PDE10A: variants seen among roughly 807,000 people sequenced by gnomAD.
The protein encoded by PDE10A is phosphodiesterase 10A, also known as cAMP and cAMP-inhibited cGMP 3',5'-cyclic phosphodiesterase 10A.
In PDE10A, 39 loss-of-function variants were observed where a neutral mutation model predicts 97.7. The observed-to-expected ratio is 0.40, with a 90% CI of 0.31 to 0.52. The LOEUF (loss-of-function observed/expected upper bound fraction) is 0.52. Ranked by LOEUF, PDE10A falls within the 20% of genes least tolerant of loss-of-function variation. The probability of loss-of-function intolerance (pLI) is 0.56; values close to 1 mark genes in which losing one functional copy is unlikely to be tolerated. For synonymous variants in PDE10A, 371 were observed against 376.8 expected, an observed-to-expected ratio of 0.98 and a Z score of 0.18; for missense variants, 731 against 1,047.8, an observed-to-expected ratio of 0.70 and a Z score of 4.17.
At chr6:165,598,991 G>C (rs1786775704) in intron 1 of PDE10A, among the ~76,000 whole-genome samples, 1 of 152,180 alleles carries the variant, frequency 6.6e-6, no homozygotes, top group African/African-American at 2.4e-5. Flanking sequence ...CAGTCCTTCA[G>C]AAGAGGTGAG....
At chr6:165,462,837 A>C (rs145527874) in intron 3 of PDE10A, among the ~76,000 whole-genome samples, 5,887 of 152,292 alleles carry the variant, frequency 0.039, 177 homozygotes, top group Middle Eastern at 0.061. Context: ...GGGCATATTT[A>C]TCAATCTTGG....
intron 1 of PDE10A, among the ~76,000 whole-genome samples, chr6:165,642,309 G>A (rs995184185): frequency 6.6e-5 from 10 of 152,186 alleles, no homozygotes; most frequent in East Asian, 1.9e-4. Flanking sequence ...AGCATGATAC[G>A]TTTGTTCAGG....
At chr6:165,468,173 G>A (rs545682645) in intron 3 of PDE10A, among the ~76,000 whole-genome samples, 2 of 152,234 alleles carry the variant, frequency 1.3e-5, no homozygotes, top group Non-Finnish European at 2.9e-5. Context: ...CTGCCTCCCA[G>A]GTTCAAGCGA....
At chr6:165,558,901 T>C (rs1273623358) in intron 1 of PDE10A, among the ~76,000 whole-genome samples, 3 of 152,154 alleles carry the variant, frequency 2.0e-5, no homozygotes, top group Non-Finnish European at 4.4e-5. Context: ...TGTATACATA[T>C]GTAGCAAACC....
intron 1 of PDE10A, among the ~76,000 whole-genome samples, chr6:165,765,388 G>A (rs942430240): frequency 1.3e-5 from 2 of 152,248 alleles, no homozygotes; most frequent in African/African-American, 4.8e-5. Context: ...GGAGGCGGGG[G>A]AAGGCTCAGG....
chr6:165,446,707 T>C lies in PDE10A; in HGVS notation c.1194+2221A>G, dbSNP rs577431599. On this transcript the variant is annotated intron_variant, in intron 5 of 21. Transcript: ENST00000539869. Reference sequence around the variant, plus strand: ...ATAATGTTGAGAAAGCAAAATACAGTGTACAGTGGGATCTGACTTGGGAAG... The same window carrying C: ...ATAATGTTGAGAAAGCAAAATACAGCGTACAGTGGGATCTGACTTGGGAAG... Among the ~76,000 whole-genome samples, 7 of 152,278 alleles carry C rather than the reference T, an allele frequency of 4.6e-5. No individual in the cohort carries two copies. The East Asian group carries it at 1.2e-3, about 25-fold the overall frequency.
intron 18 of PDE10A, among the ~76,000 whole-genome samples, chr6:165,373,275 C>A (rs1037027285): frequency 6.6e-6 from 1 of 151,684 alleles, no homozygotes; most frequent in African/African-American, 2.4e-5. Flanking sequence ...AAGAAACTAC[C>A]ATCAGAGTGA....
intron 1 of PDE10A, among the ~76,000 whole-genome samples, chr6:165,682,077 G>A (rs779087983): frequency 5.3e-5 from 8 of 152,144 alleles, no homozygotes; most frequent in Non-Finnish European, 1.0e-4. Context: ...TATAAAAGTA[G>A]CCAACTGTAT....
intron 1 of PDE10A, among the ~76,000 whole-genome samples, chr6:165,731,644 G>C (rs1168526362): frequency 1.3e-5 from 2 of 152,176 alleles, no homozygotes; most frequent in African/African-American, 4.8e-5. Flanking sequence ...GACACTTTCT[G>C]TACTTCTGGG....
intron 1 of PDE10A, among the ~76,000 whole-genome samples, chr6:165,735,042 T>C (rs934426967): frequency 5.3e-5 from 8 of 151,462 alleles, no homozygotes; most frequent in African/African-American, 2.0e-4. Context: ...GGTAGATAGA[T>C]AATAGGGAGG....
intron 1 of PDE10A, among the ~76,000 whole-genome samples, chr6:165,953,514 C>A (rs1250304781): frequency 6.6e-6 from 1 of 151,966 alleles, no homozygotes; most frequent in Middle Eastern, 3.2e-3. Context: ...TTGCTTGAAC[C>A]CAGGAAGCGG....
chr6:165,691,089 CT>C (rs1791261730), intron 1 of PDE10A, among the ~76,000 whole-genome samples: 1 of 49,556 alleles, frequency 2.0e-5, no homozygotes, highest in African/African-American at 6.2e-5. Flanking sequence ...CTCTCTCTCT[CT>C]CTCTCTCTTT....
intron 1 of PDE10A, among the ~76,000 whole-genome samples, chr6:165,582,406 A>C (rs190518623): frequency 3.3e-4 from 50 of 152,332 alleles, no homozygotes; most frequent in Admixed American, 5.2e-4. Flanking sequence ...TATGATTTCT[A>C]TGTCGATTTA....
At chr6:165,551,298 T>C (rs941716728) in intron 1 of PDE10A, among the ~76,000 whole-genome samples, 2 of 152,212 alleles carry the variant, frequency 1.3e-5, no homozygotes, top group African/African-American at 4.8e-5. Flanking sequence ...TCTCTGTATT[T>C]ACCTCTCATG....
At chr6:165,791,390 T>G (rs113074351) in intron 1 of PDE10A, among the ~76,000 whole-genome samples, 177 of 152,282 alleles carry the variant, frequency 1.2e-3, no homozygotes, top group African/African-American at 4.1e-3. Context: ...CCACAGTCCT[T>G]GGCATGTAAA....
chr6:165,695,094 C>T (rs1206253421), intron 1 of PDE10A, among the ~76,000 whole-genome samples: 2 of 151,880 alleles, frequency 1.3e-5, no homozygotes, highest in East Asian at 3.9e-4. Context: ...ACTTATTTTC[C>T]CTAAGACAAA....
At chr6:165,823,489 T>TAA (rs1779631650) in intron 1 of PDE10A, among the ~76,000 whole-genome samples, 1 of 54,308 alleles carries the variant, frequency 1.8e-5, no homozygotes, top group Non-Finnish European at 5.0e-5. Flanking sequence ...ACTTTATATA[T>TAA]ATATATATAT....
At chr6:165,374,879 T>C (rs1784518684) in intron 18 of PDE10A, among the ~76,000 whole-genome samples, 1 of 152,062 alleles carries the variant, frequency 6.6e-6, no homozygotes, top group African/African-American at 2.4e-5. Context: ...ATTTTCAAAA[T>C]ATTTCAAATA....
intron 1 of PDE10A, among the ~76,000 whole-genome samples, chr6:165,701,745 ATGTG>A (rs1019854596): frequency 6.6e-6 from 1 of 151,552 alleles, no homozygotes; most frequent in African/African-American, 2.4e-5. Flanking sequence ...GTGTGTGTGC[ATGTG>A]TGTATGTTTG....
Sources: gnomAD v4.1 joint callset for allele counts (sites outside exome capture counted in the v4.1 genomes callset) on GRCh38, gnomAD v4.1.1 for gene constraint, MANE v1.5 for transcripts, NCBI Gene and HGNC (gene_info 2026-07-23, HGNC 2026-07-21) for gene names.